Variants in ARPP19 observed in about 807,000 individuals in gnomAD.
The protein encoded by ARPP19 is cAMP regulated phosphoprotein 19.
A neutral mutation model predicts 12.0 loss-of-function variants in ARPP19; 8 were observed. The ratio of observed to expected loss-of-function variants is 0.67; its 90% CI spans 0.39 to 1.21. The LOEUF (loss-of-function observed/expected upper bound fraction) is 1.21, where lower values mean the gene tolerates loss of function less well. ARPP19 is among the 50% of genes most tolerant of loss of function. The probability of loss-of-function intolerance (pLI) is 0.01; values close to 1 mark genes in which losing one functional copy is unlikely to be tolerated. For missense variants in ARPP19, 102 were observed against 136.3 expected (o/e 0.75, Z 1.25); for synonymous variants, 47 against 50.4 (o/e 0.93, Z 0.29).
In ARPP19 at chr15:52,568,952, AC is replaced by A; in HGVS notation, c.-61del. On this transcript the variant is annotated 5_prime_UTR_variant, in exon 1 of 3. Transcript: ENST00000249822. ...ATGCAATTAGCGGGTGGCCGAGGCCACCCGGCCGCCGCCCGTCCCAGCTCTC... is the reference window on the plus strand; with the variant it reads ...ATGCAATTAGCGGGTGGCCGAGGCCACCGGCCGCCGCCCGTCCCAGCTCTC... The A allele has an allele frequency of 1.5e-6, 1 of 653,142 alleles. No individual in the cohort carries two copies. The highest frequency in any genetic ancestry group is 2.6e-6 in the Non-Finnish European group (1 of 391,466). 40.5% of individuals were successfully genotyped at this position (653,142 alleles called of 1,614,324 possible).
chr15:52,568,988 G>T lies in ARPP19; in HGVS notation c.-96C>A. On this transcript the variant is annotated 5_prime_UTR_variant, in exon 1 of 3. Transcript: ENST00000249822. ...GCCCGTCCCAGCTCTCCCAGGGCCCGCCGGGCCGCCTCCGCCCGCGAAAAT... is the reference window on the plus strand; with the variant it reads ...GCCCGTCCCAGCTCTCCCAGGGCCCTCCGGGCCGCCTCCGCCCGCGAAAAT... 4 of 885,574 alleles carry T rather than the reference G, an allele frequency of 4.5e-6. No homozygotes were observed. Among genetic ancestry groups the T allele is most frequent in the Non-Finnish European group, 5.1e-6 (3 of 587,524 alleles). The allele number at this position is 885,574 out of a possible 1,614,324, so 54.9% of individuals were successfully genotyped here. A position where few individuals can be genotyped will look rare whatever the true frequency, so the allele number is the denominator to read the frequency against.
At chr15:52,555,812 T>G (rs974328375) in intron 2 of ARPP19, among the ~76,000 whole-genome samples, 1 of 152,040 alleles carries the variant, frequency 6.6e-6, no homozygotes, top group African/African-American at 2.4e-5. Context: ...TTTAGTTATA[T>G]AAATACTATG....
Position 52,550,857 on chromosome 15 carries a change from C to A in ARPP19, c.*1077G>T, listed in dbSNP as rs1180684103. The stretch of plus-strand genomic sequence containing the variant: ...TGAGTGTGGAAGTAAAAAGTTTCTA[C>A]ATTTAAAAAGTTTATATAAATTACA... On this transcript the variant is annotated 3_prime_UTR_variant, in exon 3 of 3. Transcript: ENST00000249822. 1 of 152,642 alleles carries A rather than the reference C, an allele frequency of 6.6e-6. No homozygotes were observed. The highest frequency in any genetic ancestry group is 2.4e-5 in the African/African-American group (1 of 41,456). The allele number at this position is 152,642 out of a possible 1,614,324, so 9.5% of individuals were successfully genotyped here.
chr15:52,548,025 T>TGCTC lies in ARPP19; in HGVS notation c.*3905_*3908dup, dbSNP rs2077893979. The TGCTC allele has an allele frequency of 2.0e-5, 3 of 152,240 alleles. No homozygotes were observed. Among genetic ancestry groups the TGCTC allele is most frequent in the Admixed American group, 2.0e-4 (3 of 15,276 alleles). The allele number at this position is 152,240 out of a possible 1,614,324, so 9.4% of individuals were successfully genotyped here. A position where few individuals can be genotyped will look rare whatever the true frequency, so the allele number is the denominator to read the frequency against. ...AACTGCTTTAGTTATCACTCAGAAG[T>TGCTC]GCTCTTCCCATTGGCTACCTGCTTC... On this transcript the variant is annotated 3_prime_UTR_variant, in exon 3 of 3. Coordinates refer to ENST00000249822, the MANE Select transcript of ARPP19 (RefSeq NM_006628.6).
At position 52,568,987 on chromosome 15, in the gene ARPP19, C is replaced by A; in HGVS notation, c.-95G>T. ...CGCCCGTCCCAGCTCTCCCAGGGCC[C>A]GCCGGGCCGCCTCCGCCCGCGAAAA... On this transcript the variant is annotated 5_prime_UTR_variant, in exon 1 of 3. Coordinates refer to ENST00000249822, the MANE Select transcript of ARPP19 (RefSeq NM_006628.6). 1 of 883,226 alleles carries A rather than the reference C, an allele frequency of 1.1e-6. No individual in the cohort carries two copies. The highest frequency in any genetic ancestry group is 1.7e-6 in the Non-Finnish European group (1 of 585,108). 54.7% of individuals were successfully genotyped at this position (883,226 alleles called of 1,614,324 possible).
At chr15:52,562,925 T>C (rs1193403500) in intron 1 of ARPP19, among the ~76,000 whole-genome samples, 1 of 141,964 alleles carries the variant, frequency 7.0e-6, no homozygotes, top group Non-Finnish European at 1.5e-5. Flanking sequence ...TGGAGTGTGG[T>C]GGCACGATCT....
intron 2 of ARPP19, among the ~76,000 whole-genome samples, chr15:52,554,883 C>T (rs2077967373): frequency 6.6e-6 from 1 of 152,064 alleles, no homozygotes; most frequent in Admixed American, 6.5e-5. Context: ...ACATTAACCT[C>T]ATAATAACAT....
In ARPP19 at chr15:52,551,281, C is replaced by T. The variant is rs1468453277; in HGVS notation, c.*653G>A. ...CATACTTCATTCACATCTTCAACAA[C>T]AAAAGGTATTCTAACTCTACAGAAC... On this transcript the variant is annotated 3_prime_UTR_variant, in exon 3 of 3. Transcript: ENST00000249822. 6.5e-6 allele frequency: 1 copy of T among 152,686 alleles called. No individual in the cohort carries two copies. The highest frequency in any genetic ancestry group is 1.5e-5 in the Non-Finnish European group (1 of 68,050). The allele number at this position is 152,686 out of a possible 1,614,324, so 9.5% of individuals were successfully genotyped here. A position where few individuals can be genotyped will look rare whatever the true frequency, so the allele number is the denominator to read the frequency against.
chr15:52,568,934 T>C lies in ARPP19; in HGVS notation c.-42A>G, dbSNP rs1389664497. 2.0e-5 allele frequency: 24 copies of C among 1,195,692 alleles called. No individual in the cohort carries two copies. Among genetic ancestry groups the C allele is most frequent in the Non-Finnish European group, 2.5e-5 (22 of 865,288 alleles). 74.1% of individuals were successfully genotyped at this position (1,195,692 alleles called of 1,614,324 possible). On this transcript the variant is annotated 5_prime_UTR_variant, in exon 1 of 3. Transcript: ENST00000249822. ...ACGAGACGCCGGGAAAAGATGCAAT[T>C]AGCGGGTGGCCGAGGCCACCCGGCC...
intron 2 of ARPP19, among the ~76,000 whole-genome samples, chr15:52,554,302 G>A (rs1371251438): frequency 6.6e-6 from 1 of 152,100 alleles, no homozygotes; most frequent in East Asian, 1.9e-4. Context: ...TAAATTTAGT[G>A]TGACTAGAGA....
At chr15:52,564,351 G>T in intron 1 of ARPP19, 2 of 775,012 alleles carry the variant, frequency 2.6e-6, no homozygotes, top group Non-Finnish European at 4.4e-6. Context: ...GTTCAAGGCG[G>T]CAATATGCTA....
At chr15:52,567,013 G>A (rs1230412471) in intron 1 of ARPP19, among the ~76,000 whole-genome samples, 1 of 152,108 alleles carries the variant, frequency 6.6e-6, no homozygotes, top group Non-Finnish European at 1.5e-5. Flanking sequence ...AAGGTCAATT[G>A]GGTACACAGA....
chr15:52,568,914 A>G lies in ARPP19; in HGVS notation c.-22T>C. 1 of 1,376,062 alleles carries G rather than the reference A, an allele frequency of 7.3e-7. No individual in the cohort carries two copies. Among genetic ancestry groups the G allele is most frequent in the African/African-American group, 1.6e-5 (1 of 64,062 alleles). The allele number at this position is 1,376,062 out of a possible 1,614,324, so 85.2% of individuals were successfully genotyped here. On this transcript the variant is annotated 5_prime_UTR_variant, in exon 1 of 3. Coordinates refer to ENST00000249822, the MANE Select transcript of ARPP19 (RefSeq NM_006628.6). ...ACATAGTGCTCCCTCTGCAGACGAG[A>G]CGCCGGGAAAAGATGCAATTAGCGG...
At chr15:52,564,311 G>T in intron 1 of ARPP19, 1 of 1,214,714 alleles carries the variant, frequency 8.2e-7, no homozygotes, top group South Asian at 1.3e-5. Context: ...CTACTTGGAG[G>T]CTGAGGTGGG....
At chr15:52,565,681 C>A (rs1053673206) in intron 1 of ARPP19, among the ~76,000 whole-genome samples, 49 of 152,286 alleles carry the variant, frequency 3.2e-4, no homozygotes, top group Middle Eastern at 3.4e-3. Context: ...AAAAGGGGAA[C>A]TGAGCCACCA....
intron 2 of ARPP19, among the ~76,000 whole-genome samples, chr15:52,555,979 G>A (rs1473524164): frequency 1.3e-5 from 2 of 151,920 alleles, no homozygotes; most frequent in African/African-American, 4.8e-5. Flanking sequence ...ATGTATTTTA[G>A]ACATTAACTA....
intron 1 of ARPP19, among the ~76,000 whole-genome samples, chr15:52,559,282 C>A (rs2078010953): frequency 6.6e-6 from 1 of 152,076 alleles, no homozygotes; most frequent in Non-Finnish European, 1.5e-5. Context: ...AGGGTATGCT[C>A]CAGAGAGGTA....
At chr15:52,556,439 G>A (rs2077982553) in intron 2 of ARPP19, among the ~76,000 whole-genome samples, 1 of 151,976 alleles carries the variant, frequency 6.6e-6, no homozygotes, top group East Asian at 1.9e-4. Context: ...GAGAAATAAT[G>A]GTATCTACCT....
rs2077909056 is a variant in ARPP19, at chr15:52,549,476, A to G, written c.*2458T>C. On this transcript the variant is annotated 3_prime_UTR_variant, in exon 3 of 3. Coordinates refer to ENST00000249822, the MANE Select transcript of ARPP19 (RefSeq NM_006628.6). Reference sequence around the variant, plus strand: ...TCCTAATGAAAAATCCTGAGATTTAAGCACTGTGACTTACAGAAGGCAGGT... The same window carrying G: ...TCCTAATGAAAAATCCTGAGATTTAGGCACTGTGACTTACAGAAGGCAGGT... 1 of 152,678 alleles carries G rather than the reference A, an allele frequency of 6.5e-6. No homozygotes were observed. The highest frequency in any genetic ancestry group is 2.4e-5 in the African/African-American group (1 of 41,464). The allele number at this position is 152,678 out of a possible 1,614,324, so 9.5% of individuals were successfully genotyped here. A position where few individuals can be genotyped will look rare whatever the true frequency, so the allele number is the denominator to read the frequency against.
Sources: allele counts gnomAD v4.1 joint callset (sites outside exome capture counted in the v4.1 genomes callset), GRCh38; gene constraint gnomAD v4.1.1; transcripts MANE v1.5; gene names NCBI Gene and HGNC (gene_info 2026-07-23, HGNC 2026-07-21).